The following STAG1 variants were observed in gnomAD, a reference collection of about 807,000 sequenced individuals.
The protein encoded by STAG1 is cohesin subunit SA-1.
In STAG1, 26 loss-of-function variants were observed where a neutral mutation model predicts 170.9. The ratio of observed to expected loss-of-function variants is 0.15; its 90% CI spans 0.11 to 0.21. The LOEUF (loss-of-function observed/expected upper bound fraction) is 0.21, where lower values mean the gene tolerates loss of function less well. STAG1 is among the 10% of genes least tolerant of loss of function. The pLI is 1.00. For synonymous variants in STAG1, 514 were observed against 497.7 expected (o/e 1.03, Z -0.44); for missense variants, 964 against 1,509.5 (o/e 0.64, Z 5.99).
At chr3:136,513,837 G>C (rs912540160) in intron 7 of STAG1, among the ~76,000 whole-genome samples, 18 of 151,766 alleles carry the variant, frequency 1.2e-4, no homozygotes, top group Non-Finnish European at 2.2e-4. Context: ...AAAGATAATA[G>C]GGGATCTAAA....
intron 16 of STAG1, among the ~76,000 whole-genome samples, chr3:136,427,803 C>T (rs1037674993): frequency 1.3e-5 from 2 of 152,006 alleles, no homozygotes; most frequent in East Asian, 3.8e-4. Context: ...AAAAGGCACA[C>T]CTATACTCAT....
At chr3:136,702,687 C>T (rs532731281) in intron 1 of STAG1, among the ~76,000 whole-genome samples, 1 of 152,234 alleles carries the variant, frequency 6.6e-6, no homozygotes, top group African/African-American at 2.4e-5. Context: ...TGCCCTGCCT[C>T]ACTTACAACT....
intron 2 of STAG1, 122 bp downstream of exon 2, chr3:136,630,748 T>C: frequency 1.3e-6 from 1 of 753,148 alleles, no homozygotes; most frequent in Non-Finnish European, 2.3e-6. Context: ...ACTGCAAAGA[T>C]ATTGTCCCAA....
At chr3:136,433,773 G>A in intron 15 of STAG1, 114 bp from the exon 16 acceptor site, 1 of 729,944 alleles carries the variant, frequency 1.4e-6, no homozygotes. Flanking sequence ...TTATTTTAAA[G>A]ACTAAAGTTA....
intron 13 of STAG1, among the ~76,000 whole-genome samples, chr3:136,453,250 AG>A (rs1437781579): frequency 6.6e-6 from 1 of 152,206 alleles, no homozygotes; most frequent in Non-Finnish European, 1.5e-5. Context: ...GCAAAAAAAA[AG>A]ATTTGAAATT....
At chr3:136,741,572 G>A (rs1409835763) in intron 1 of STAG1, among the ~76,000 whole-genome samples, 4 of 152,088 alleles carry the variant, frequency 2.6e-5, no homozygotes, top group East Asian at 1.9e-4. Context: ...GGGTTCAAGC[G>A]ATTCTCCTGC....
chr3:136,372,108 CTT>C (rs1416568941), intron 23 of STAG1, among the ~76,000 whole-genome samples: 2 of 152,094 alleles, frequency 1.3e-5, no homozygotes, highest in Admixed American at 1.3e-4. Context: ...ATTTTATTCT[CTT>C]TGAAGCAATT....
intron 15 of STAG1, among the ~76,000 whole-genome samples, chr3:136,439,023 C>T (rs919195987): frequency 3.3e-5 from 5 of 150,974 alleles, no homozygotes; most frequent in South Asian, 2.1e-4. Context: ...ATGGGGAAAC[C>T]GATCTCTACT....
intron 26 of STAG1, among the ~76,000 whole-genome samples, chr3:136,360,463 T>C (rs1303112004): frequency 1.3e-5 from 2 of 152,180 alleles, no homozygotes; most frequent in African/African-American, 4.8e-5. Context: ...TGAAAAGTAT[T>C]GTTGACATTT....
intron 5 of STAG1, 122 bp downstream of exon 5, chr3:136,568,643 A>G: frequency 1.4e-6 from 1 of 720,206 alleles, no homozygotes; most frequent in Middle Eastern, 3.8e-4. Context: ...TCTATCAGAA[A>G]AAGATTAGCA....
intron 4 of STAG1, among the ~76,000 whole-genome samples, chr3:136,580,626 C>T (rs1057447411): frequency 6.7e-6 from 1 of 149,314 alleles, no homozygotes; most frequent in Non-Finnish European, 1.5e-5. Flanking sequence ...CTCCGCTTCC[C>T]GGGTTCACGC....
intron 30 of STAG1, among the ~76,000 whole-genome samples, chr3:136,342,926 A>G (rs1381584975): frequency 6.6e-6 from 1 of 152,182 alleles, no homozygotes; most frequent in Non-Finnish European, 1.5e-5. Context: ...CATAAGGCAA[A>G]CCACCTTCTA....
At chr3:136,398,716 A>G (rs1234658030) in intron 22 of STAG1, 33 bp downstream of exon 22, 2 of 1,386,440 alleles carry the variant, frequency 1.4e-6, no homozygotes, top group Admixed American at 1.9e-5. Flanking sequence ...TATTTCAGTA[A>G]TAACCCTTCT....
intron 8 of STAG1, among the ~76,000 whole-genome samples, chr3:136,500,734 A>C (rs992071946): frequency 2.6e-5 from 4 of 152,218 alleles, no homozygotes; most frequent in Admixed American, 2.6e-4. Context: ...ATTACTCTGC[A>C]TCTCACTAGC....
chr3:136,575,562 T>C (rs1937426397), intron 4 of STAG1, among the ~76,000 whole-genome samples: 3 of 152,184 alleles, frequency 2.0e-5, no homozygotes, highest in Admixed American at 2.0e-4. Flanking sequence ...AAGTATGCAA[T>C]ATAATTCCAA....
chr3:136,400,278 A>G (rs1433662426), intron 21 of STAG1, among the ~76,000 whole-genome samples: 8 of 151,976 alleles, frequency 5.3e-5, no homozygotes, highest in African/African-American at 1.7e-4. Flanking sequence ...CCCAGGCTGC[A>G]GTGCAGTGGC....
intron 5 of STAG1, among the ~76,000 whole-genome samples, chr3:136,548,962 C>T (rs1936271926): frequency 6.6e-6 from 1 of 152,180 alleles, no homozygotes; most frequent in Non-Finnish European, 1.5e-5. Flanking sequence ...GATGTGCCTG[C>T]TTTCCCTTCT....
At chr3:136,551,210 A>T (rs1347610864) in intron 5 of STAG1, among the ~76,000 whole-genome samples, 4 of 24,142 alleles carry the variant, frequency 1.7e-4, no homozygotes, top group African/African-American at 3.0e-4. Context: ...AGAGAGAGTG[A>T]GAGAGAGAGA....
intron 1 of STAG1, chr3:136,721,268 A>C (rs1037490720): frequency 6.6e-6 from 1 of 152,268 alleles, no homozygotes; most frequent in Non-Finnish European, 1.5e-5. Flanking sequence ...AAAGGGAAAT[A>C]GAAGATTTAA....
Sources: gnomAD v4.1 joint callset for allele counts (sites outside exome capture counted in the v4.1 genomes callset) on GRCh38, gnomAD v4.1.1 for gene constraint, MANE v1.5 for transcripts, NCBI Gene and HGNC (gene_info 2026-07-23, HGNC 2026-07-21) for gene names.